Variants in ADCY2 observed in about 807,000 individuals in gnomAD.
ADCY2 encodes adenylate cyclase 2, also known as adenylate cyclase type 2.
In ADCY2, 31 loss-of-function variants were observed where a neutral mutation model predicts 125.2. The ratio of observed to expected loss-of-function variants is 0.25; its 90% confidence interval spans 0.19 to 0.33. ADCY2 has a LOEUF of 0.33. Ranked by LOEUF, ADCY2 falls within the 10% of genes least tolerant of loss-of-function variation. ADCY2 has a pLI of 1.00. For missense variants in ADCY2, 904 were observed against 1,418.2 expected, an observed-to-expected ratio of 0.64 and a Z score of 5.82; for synonymous variants, 512 against 548.4, an observed-to-expected ratio of 0.93 and a Z score of 0.93.
intron 2 of ADCY2, among the ~76,000 whole-genome samples, chr5:7,429,439 G>A (rs914593665): frequency 2.0e-4 from 30 of 152,146 alleles, no homozygotes; most frequent in Non-Finnish European, 2.8e-4. Context: ...TATAGAACAC[G>A]TCCCAACAAT....
At chr5:7,786,006 A>G (rs1257189965) in intron 19 of ADCY2, among the ~76,000 whole-genome samples, 1 of 152,186 alleles carries the variant, frequency 6.6e-6, no homozygotes, top group Non-Finnish European at 1.5e-5. Context: ...AATTTTACAC[A>G]ATTGGGTTGA....
chr5:7,670,860 C>T (rs919815374), intron 4 of ADCY2, among the ~76,000 whole-genome samples: 2 of 152,218 alleles, frequency 1.3e-5, no homozygotes, highest in South Asian at 2.1e-4. Flanking sequence ...ACCTCCTGCT[C>T]TGCGGCCCAG....
intron 14 of ADCY2, among the ~76,000 whole-genome samples, chr5:7,733,146 AT>A (rs1742154188): frequency 6.6e-6 from 1 of 152,232 alleles, no homozygotes; most frequent in East Asian, 1.9e-4. Context: ...ATTTAGGTAA[AT>A]AACATGTGTT....
chr5:7,486,252 C>T (rs550782178), intron 2 of ADCY2, among the ~76,000 whole-genome samples: 19 of 152,258 alleles, frequency 1.2e-4, no homozygotes, highest in East Asian at 1.2e-3. Flanking sequence ...TATACACAGA[C>T]GTGATACACA....
chr5:7,479,639 T>A (rs1742654611), intron 2 of ADCY2, among the ~76,000 whole-genome samples: 1 of 152,138 alleles, frequency 6.6e-6, no homozygotes, highest in Admixed American at 6.5e-5. Context: ...TAAAATTTTT[T>A]TTTTTTACTA....
chr5:7,789,469 T>C (rs963854483), intron 19 of ADCY2, among the ~76,000 whole-genome samples, 173 bp from the exon 20 acceptor site: 9 of 152,170 alleles, frequency 5.9e-5, no homozygotes, highest in African/African-American at 1.9e-4. Flanking sequence ...ATGTCAGAGG[T>C]TGACTGAAGG....
At chr5:7,784,773 G>GAA (rs5865733) in intron 19 of ADCY2, among the ~76,000 whole-genome samples, 1 of 136,966 alleles carries the variant, frequency 7.3e-6, no homozygotes, top group African/African-American at 2.7e-5. Context: ...GACACTATTT[G>GAA]AAAAAAAAAA....
intron 22 of ADCY2, among the ~76,000 whole-genome samples, chr5:7,807,764 T>G (rs192173065): frequency 1.3e-5 from 2 of 152,110 alleles, no homozygotes; most frequent in African/African-American, 2.4e-5. Flanking sequence ...TCCTCCCCAC[T>G]TTGGAAACAG....
At chr5:7,569,144 T>C (rs1188288832) in intron 3 of ADCY2, among the ~76,000 whole-genome samples, 2 of 152,150 alleles carry the variant, frequency 1.3e-5, no homozygotes, top group African/African-American at 4.8e-5. Flanking sequence ...CAGTTCAGTG[T>C]AGGGCATGAT....
intron 2 of ADCY2, among the ~76,000 whole-genome samples, chr5:7,483,753 C>A (rs1440745163): frequency 1.3e-5 from 2 of 152,142 alleles, no homozygotes; most frequent in African/African-American, 4.8e-5. Context: ...ATCTGTGCCT[C>A]CTCTCCTTCC....
chr5:7,745,536 G>C (rs957589803), intron 15 of ADCY2, among the ~76,000 whole-genome samples: 3 of 152,160 alleles, frequency 2.0e-5, no homozygotes, highest in African/African-American at 7.2e-5. Context: ...AGGCCCTGAT[G>C]GAACTCTTTG....
At chr5:7,641,728 A>C (rs192091459) in intron 4 of ADCY2, among the ~76,000 whole-genome samples, 3 of 151,994 alleles carry the variant, frequency 2.0e-5, no homozygotes, top group Non-Finnish European at 1.5e-5. Context: ...CTTTATGTCC[A>C]TGAGTACCCA....
intron 3 of ADCY2, among the ~76,000 whole-genome samples, chr5:7,612,516 G>C (rs1263781279): frequency 6.6e-6 from 1 of 152,204 alleles, no homozygotes; most frequent in African/African-American, 2.4e-5. Flanking sequence ...GCCACAGTCT[G>C]ATCTCATGGG....
intron 20 of ADCY2, among the ~76,000 whole-genome samples, chr5:7,791,466 G>A (rs1348117009): frequency 6.6e-6 from 1 of 152,168 alleles, no homozygotes; most frequent in Non-Finnish European, 1.5e-5. Flanking sequence ...GTGCCAGGTG[G>A]CAGATGAGGT....
At chr5:7,631,576 G>C (rs1379286827) in intron 4 of ADCY2, among the ~76,000 whole-genome samples, 1 of 152,184 alleles carries the variant, frequency 6.6e-6, no homozygotes. Flanking sequence ...GTCCTAAAAA[G>C]AGTAGGAACA....
At chr5:7,695,282 C>T (rs1186373919) in intron 5 of ADCY2, among the ~76,000 whole-genome samples, 1 of 152,202 alleles carries the variant, frequency 6.6e-6, no homozygotes, top group South Asian at 2.1e-4. Context: ...TCTTCTCTGT[C>T]ATAACACTGT....
chr5:7,706,738 CT>C lies in ADCY2; in HGVS notation c.1110-3del. The C allele has an allele frequency of 1.9e-6, 3 of 1,613,916 alleles. No homozygotes were observed. The highest frequency in any genetic ancestry group is 2.5e-6 in the Non-Finnish European group (3 of 1,179,830). On this transcript the variant is annotated splice_region_variant and splice_polypyrimidine_tract_variant and intron_variant, in intron 7 of 24. Coordinates refer to ENST00000338316, the MANE Select transcript of ADCY2 (RefSeq NM_020546.3). ...TTGATCATGATCTTACTTCCCTTCTCTTTAGGAAAGTGAGGGATGCTACTGG... is the reference window on the plus strand; with the variant it reads ...TTGATCATGATCTTACTTCCCTTCTCTTAGGAAAGTGAGGGATGCTACTGG...
chr5:7,627,810 G>GCT (rs1738184447), intron 4 of ADCY2, among the ~76,000 whole-genome samples: 1 of 152,270 alleles, frequency 6.6e-6, no homozygotes, highest in Admixed American at 6.5e-5. Flanking sequence ...AATATTTAGT[G>GCT]AACACCAAGG....
At position 7,608,152 on chromosome 5, in the gene ADCY2, A is replaced by T. The variant is rs534715589; in HGVS notation, c.571-18015A>T. On this transcript the variant is annotated intron_variant, in intron 3 of 24. Coordinates refer to ENST00000338316, the MANE Select transcript of ADCY2 (RefSeq NM_020546.3). ...ACTCAGAATGCTAATTTGTTAATTT[A>T]TCATGAGGAATATGACTATCCGATA... Among the ~76,000 whole-genome samples the T allele has an allele frequency of 9.8e-5, 15 of 152,342 alleles. No individual in the cohort carries two copies. In the South Asian group the frequency reaches 2.9e-3, roughly 29 times the overall value.
Sources: gnomAD v4.1 joint callset for allele counts (sites outside exome capture counted in the v4.1 genomes callset) on GRCh38, gnomAD v4.1.1 for gene constraint, MANE v1.5 for transcripts, NCBI Gene and HGNC (gene_info 2026-07-23, HGNC 2026-07-21) for gene names.